The following SMAP2 variants were observed in gnomAD, a reference collection of about 807,000 sequenced individuals.
SMAP2 encodes stromal membrane-associated protein 2.
A neutral mutation model predicts 56.4 loss-of-function variants in SMAP2; 25 were observed. The observed-to-expected ratio is 0.44, with a 90% CI of 0.32 to 0.62. The LOEUF (loss-of-function observed/expected upper bound fraction) is 0.62, where lower values mean the gene tolerates loss of function less well. Among genes scored for constraint, SMAP2 ranks in the 20% least tolerant of loss-of-function variants. The probability of loss-of-function intolerance (pLI) is 0.04; values close to 1 mark genes in which losing one functional copy is unlikely to be tolerated. For missense variants in SMAP2, 388 were observed against 545.6 expected, an observed-to-expected ratio of 0.71 and a Z score of 2.88; for synonymous variants, 157 against 181.7, an observed-to-expected ratio of 0.86 and a Z score of 1.09.
chr1:40,418,616 A>G (rs2294756), intron 9 of SMAP2, among the ~76,000 whole-genome samples: 1,895 of 152,330 alleles, frequency 0.012, 26 homozygotes, highest in East Asian at 0.039. Flanking sequence ...TTTAAAGAAC[A>G]TTCAAAATGT....
chr1:40,352,376 G>A lies in SMAP2; in HGVS notation c.-83+7466G>A, dbSNP rs138063980. Among the ~76,000 whole-genome samples the A allele has an allele frequency of 2.0e-3, 311 of 152,048 alleles. 1 individual carries two copies. The highest frequency in any genetic ancestry group is 4.6e-3 in the Admixed American group (70 of 15,262). On this transcript the variant is annotated intron_variant, in intron 1 of 6. Coordinates refer to the SMAP2 transcript ENST00000435168. ...CAGCTCAGAGTTCTTTTTCAGTTCT[G>A]CATTTTCATGCATTTTAATCTCTCT... is the stretch of plus-strand genomic sequence containing the variant.
intron 9 of SMAP2, 102 bp from the exon 10 acceptor site, chr1:40,421,874 A>C: frequency 7.3e-7 from 1 of 1,376,474 alleles, no homozygotes; most frequent in Non-Finnish European, 1.0e-6. Context: ...CCTTTGTCTC[A>C]TTCTCCCCAT....
chr1:40,400,818 CTGG>C (rs66680845), intron 1 of SMAP2, among the ~76,000 whole-genome samples: 138,162 of 152,016 alleles, frequency 0.91, 63,006 homozygotes, highest in African/African-American at 0.97. Flanking sequence ...AAAGATTATT[CTGG>C]TGGTGGGATT....
rs975402933 is a variant in SMAP2 at position 40,374,002 on chromosome 1, C to T, written c.-119C>T. ...TCCGGCGGGGCCGGAGGAGAGGGCT[C>T]TCCCCGCTCAGGAGGTGCCCCTGGG... On this transcript the variant is annotated 5_prime_UTR_variant, in exon 1 of 10. Coordinates refer to ENST00000372718, the MANE Select transcript of SMAP2 (RefSeq NM_022733.3). The surrounding 1 kb of genome is among the most constrained non-coding windows in gnomAD (Gnocchi z 5.9). 2.7e-6 allele frequency: 2 copies of T among 731,250 alleles called. No homozygotes were observed. Among genetic ancestry groups the T allele is most frequent in the Non-Finnish European group, 2.3e-6 (1 of 431,142 alleles). 45.3% of individuals were successfully genotyped at this position (731,250 alleles called of 1,614,324 possible). A position where few individuals can be genotyped will look rare whatever the true frequency, so the allele number is the denominator to read the frequency against.
intron 1 of SMAP2, among the ~76,000 whole-genome samples, chr1:40,356,577 A>AT: frequency 6.6e-6 from 1 of 151,690 alleles, no homozygotes; most frequent in Non-Finnish European, 1.5e-5. Context: ...TGCCCAGCTA[A>AT]TTTTTTGTAT....
At chr1:40,387,866 G>A (rs1045031279) in intron 1 of SMAP2, among the ~76,000 whole-genome samples, 17 of 144,424 alleles carry the variant, frequency 1.2e-4, no homozygotes, top group Non-Finnish European at 1.7e-4. Flanking sequence ...AGCCAGCTCC[G>A]GGAACCGGGG....
At chr1:40,359,559 T>C (rs1164885760) in intron 1 of SMAP2, among the ~76,000 whole-genome samples, 1 of 152,264 alleles carries the variant, frequency 6.6e-6, no homozygotes, top group Non-Finnish European at 1.5e-5. Context: ...CACTTTGTTA[T>C]TTGTTTTCTG....
chr1:40,419,068 G>T (rs1418617925), intron 9 of SMAP2, among the ~76,000 whole-genome samples: 1 of 152,078 alleles, frequency 6.6e-6, no homozygotes, highest in South Asian at 2.1e-4. Flanking sequence ...AAATACAACT[G>T]AAAATGAAGG....
intron 1 of SMAP2, among the ~76,000 whole-genome samples, chr1:40,351,653 A>G (rs11588759): frequency 2.6e-5 from 4 of 152,002 alleles, no homozygotes; most frequent in Non-Finnish European, 5.9e-5. Context: ...ACAGGCGTGC[A>G]CCACCAAGCC....
At chr1:40,417,191 T>C in intron 9 of SMAP2, 95 bp downstream of exon 9, 1 of 869,582 alleles carries the variant, frequency 1.1e-6, no homozygotes, top group Non-Finnish European at 1.8e-6. Context: ...ATCCTTTCCA[T>C]GTAGATGAGA....
intron 1 of SMAP2, among the ~76,000 whole-genome samples, chr1:40,350,407 C>T (rs1339256633): frequency 6.6e-6 from 1 of 152,158 alleles, no homozygotes. Flanking sequence ...GTCCCTATTG[C>T]GTGACACCAT....
chr1:40,352,985 G>A (rs1644415556), intron 1 of SMAP2, among the ~76,000 whole-genome samples: 1 of 152,190 alleles, frequency 6.6e-6, no homozygotes, highest in Admixed American at 6.5e-5. Context: ...GATGGAGTCA[G>A]GCATGACGTT....
chr1:40,406,951 C>T (rs2982510), intron 2 of SMAP2, 82 bp downstream of exon 2: 360,420 of 1,454,244 alleles, frequency 0.25, 47,405 homozygotes, highest in African/African-American at 0.49. Context: ...AAACCTGGCA[C>T]AAAGGTGAAG....
intron 2 of SMAP2, 61 bp downstream of exon 2, chr1:40,406,930 G>T: frequency 6.7e-7 from 1 of 1,497,864 alleles, no homozygotes; most frequent in East Asian, 2.4e-5. Flanking sequence ...AATTCCAGAT[G>T]AATTTCAGTC....
intron 1 of SMAP2, among the ~76,000 whole-genome samples, chr1:40,347,261 T>G (rs1326710370): frequency 3.3e-5 from 5 of 149,658 alleles, no homozygotes; most frequent in Admixed American, 2.0e-4. Context: ...GTTTTTTTTT[T>G]TTTTTTTAAA....
chr1:40,406,199 G>T (rs1272231376), intron 1 of SMAP2, among the ~76,000 whole-genome samples: 1 of 152,114 alleles, frequency 6.6e-6, no homozygotes, highest in Non-Finnish European at 1.5e-5. Flanking sequence ...AAGGTGCTCG[G>T]CCAAATAGAA....
chr1:40,403,718 A>G (rs1644858550), intron 1 of SMAP2: 1 of 881,926 alleles, frequency 1.1e-6, no homozygotes, highest in Non-Finnish European at 1.4e-6. Flanking sequence ...TACACGTTTT[A>G]TAGATGAGGA....
In SMAP2 at chr1:40,415,223, A is replaced by G. The variant is rs377211622; in HGVS notation, c.572-49A>G. 2.5e-5 allele frequency: 35 copies of G among 1,395,170 alleles called. No homozygotes were observed. In the Admixed American group the frequency reaches 5.8e-4, roughly 23 times the overall value. The allele number at this position is 1,395,170 out of a possible 1,614,324, so 86.4% of individuals were successfully genotyped here. The stretch of plus-strand genomic sequence containing the variant: ...TTTTTGTCTAGAATAGAAGGAAGGC[A>G]TGGGCTTAATAAGCAGTGCTGCATC... On this transcript the variant is annotated intron_variant, in intron 6 of 9. Coordinates refer to ENST00000372718, the MANE Select transcript of SMAP2 (RefSeq NM_022733.3).
rs143420969 is a variant in SMAP2, at chr1:40,388,376, C to G, written c.103+14153C>G. ...GCTCAGGGATTGTAAATACACCAGTCGGCACTCTGTATCTAGCTCAAGGTT... is the reference window on the plus strand; with the variant it reads ...GCTCAGGGATTGTAAATACACCAGTGGGCACTCTGTATCTAGCTCAAGGTT... On this transcript the variant is annotated intron_variant, in intron 1 of 9. Transcript: ENST00000372718. Among the ~76,000 whole-genome samples, 1,376 of 152,264 alleles carry G rather than the reference C, an allele frequency of 9.0e-3. 18 individuals carry two copies. Among genetic ancestry groups the G allele is most frequent in the African/African-American group, 0.032 (1,309 of 41,520 alleles).
Sources: allele counts gnomAD v4.1 joint callset (sites outside exome capture counted in the v4.1 genomes callset), GRCh38; gene constraint gnomAD v4.1.1; non-coding constraint Gnocchi (gnomAD v3.1); transcripts MANE v1.5; gene names NCBI Gene and HGNC (gene_info 2026-07-23, HGNC 2026-07-21).